NTN1: variants seen among roughly 807,000 people sequenced by gnomAD.
NTN1 encodes netrin-1.
A neutral mutation model predicts 54.2 loss-of-function variants in NTN1; 11 were observed. The observed-to-expected ratio is 0.20, with a 90% CI of 0.13 to 0.34. The LOEUF (loss-of-function observed/expected upper bound fraction) is 0.34, where lower values mean the gene tolerates loss of function less well. Ranked by LOEUF, NTN1 falls within the 10% of genes least tolerant of loss-of-function variation. The pLI, the probability that NTN1 is intolerant of heterozygous loss-of-function variation, is 1.00. For missense variants in NTN1, 740 were observed against 893.1 expected (o/e 0.83, Z 2.18); for synonymous variants, 371 against 382.0 (o/e 0.97, Z 0.33).
At chr17:9,014,647 C>T in the NTN1 span, among the ~76,000 whole-genome samples, 1 of 152,234 alleles carries the variant, frequency 6.6e-6, no homozygotes, top group African/African-American at 2.4e-5. Flanking sequence ...GCTCACCCTC[C>T]TGGAGAGGCC....
intron 6 of NTN1, among the ~76,000 whole-genome samples, chr17:9,227,305 A>G (rs1291579127): frequency 6.8e-6 from 1 of 146,290 alleles, no homozygotes; most frequent in Non-Finnish European, 1.5e-5. Context: ...ATACACAATC[A>G]CAAACACACC....
At chr17:9,166,150 CCACCA>C (rs1187658022) in intron 3 of NTN1, among the ~76,000 whole-genome samples, 1 of 656 alleles carries the variant, frequency 1.5e-3, no homozygotes, top group Non-Finnish European at 2.2e-3. Flanking sequence ...CAACCCCCTT[CCACCA>C]CCACCACCAC....
At position 9,221,691 on chromosome 17, in the gene NTN1, G is replaced by A. The variant is rs200673869; in HGVS notation, c.1486+449G>A. ...TCCAGTGTTCCGCCAGGCTGTAGCGGGGCCGGGAGTCTGCGCTGTAAACGG... is the reference window on the plus strand; with the variant it reads ...TCCAGTGTTCCGCCAGGCTGTAGCGAGGCCGGGAGTCTGCGCTGTAAACGG... On this transcript the variant is annotated intron_variant, in intron 6 of 6. Coordinates refer to ENST00000173229, the MANE Select transcript of NTN1 (RefSeq NM_004822.3). The surrounding 1 kb of genome is among the most constrained non-coding windows in gnomAD (Gnocchi z 4.5). 7.9e-5 allele frequency among the ~76,000 whole-genome samples: 12 copies of A among 152,348 alleles called. No individual in the cohort carries two copies. In the East Asian group the frequency reaches 2.3e-3, roughly 29 times the overall value.
chr17:9,089,302 C>G (rs2092100837), intron 2 of NTN1, among the ~76,000 whole-genome samples: 1 of 151,960 alleles, frequency 6.6e-6, no homozygotes, highest in East Asian at 1.9e-4. Flanking sequence ...GTAGTCCCAG[C>G]TACTCGGGAG....
rs2091856484 is a variant in NTN1 at position 9,022,767 on chromosome 17, G to A, written c.394G>A (p.Val132Ile). Residue 132 changes from valine to isoleucine, a missense_variant, in exon 2 of 7, where the codon GTC becomes ATC. Coordinates refer to ENST00000173229, the MANE Select transcript of NTN1 (RefSeq NM_004822.3). ...SENYLQFPHNVTLTLSLGKKF... is the reference protein window; with the variant it reads ...SENYLQFPHNITLTLSLGKKF... ...GAACTACCTGCAGTTCCCGCACAAC[G>A]TCACGCTCACACTGTCCCTCGGCAA... The A allele has an allele frequency of 6.2e-7, 1 of 1,610,086 alleles. No homozygotes were observed. Among genetic ancestry groups the A allele is most frequent in the Non-Finnish European group, 8.5e-7 (1 of 1,178,878 alleles).
chr17:9,094,173 A>G (rs1362601937), intron 2 of NTN1, among the ~76,000 whole-genome samples: 15 of 152,190 alleles, frequency 9.9e-5, no homozygotes. Flanking sequence ...TTTAAAACTT[A>G]CTGATATCTT....
intron 2 of NTN1, among the ~76,000 whole-genome samples, chr17:9,108,659 C>T (rs1305351615): frequency 6.6e-6 from 1 of 152,128 alleles, no homozygotes; most frequent in East Asian, 1.9e-4. Flanking sequence ...AGAAGGCATC[C>T]TCAGGTCCAT....
chr17:9,011,389 C>T, the NTN1 span, among the ~76,000 whole-genome samples: 2 of 152,166 alleles, frequency 1.3e-5, no homozygotes, highest in Admixed American at 6.5e-5. Context: ...CTCTGTCTCA[C>T]GCAGCTTTAT....
At chr17:9,028,708 CATTAAGTAA>C (rs2091879385) in intron 2 of NTN1, among the ~76,000 whole-genome samples, 1 of 152,188 alleles carries the variant, frequency 6.6e-6, no homozygotes, top group Non-Finnish European at 1.5e-5. Flanking sequence ...TTGTGCTTTT[CATTAAGTAA>C]ATTTTTTGTC....
chr17:9,094,916 G>T (rs2092125249), intron 2 of NTN1, among the ~76,000 whole-genome samples: 1 of 149,996 alleles, frequency 6.7e-6, no homozygotes. Flanking sequence ...TTGAATGCAG[G>T]AGGCAGAGGT....
In NTN1 at chr17:9,083,210, T is replaced by G. The variant is rs192647222; in HGVS notation, c.1018+59819T>G. Among the ~76,000 whole-genome samples, 978 of 152,318 alleles carry G rather than the reference T, an allele frequency of 6.4e-3. 7 individuals carry two copies. Among genetic ancestry groups the G allele is most frequent in the South Asian group, 0.023 (113 of 4,824 alleles). ...GCCTCCCAGGTTTAAGTGATTCTCC[T>G]GCCTCAGCCTCCTGAGTAGCTGGGA... On this transcript the variant is annotated intron_variant, in intron 2 of 6. Transcript: ENST00000173229.
chr17:9,026,908 A>G (rs7406226), intron 2 of NTN1, among the ~76,000 whole-genome samples: 42,382 of 110,298 alleles, frequency 0.38, 6,104 homozygotes, highest in East Asian at 0.53. Context: ...CTGTAACCCA[A>G]AACCCACACA....
intron 2 of NTN1, among the ~76,000 whole-genome samples, chr17:9,072,554 C>T (rs780082515): frequency 5.9e-5 from 9 of 152,202 alleles, no homozygotes; most frequent in African/African-American, 1.9e-4. Context: ...ACCTGGTCTC[C>T]GGAGTAGCTT....
In NTN1 at chr17:9,164,294, G is replaced by A. The variant is rs186149321; in HGVS notation, c.1207+1293G>A. On this transcript the variant is annotated intron_variant, in intron 3 of 6. Transcript: ENST00000173229. ...AGCAAAATTAACTGGGTGTGGTGGC[G>A]GTTGCCTGTAATCCCAGCTACTTGG... 2.9e-3 allele frequency among the ~76,000 whole-genome samples: 436 copies of A among 152,256 alleles called. 1 individual carries two copies. Among genetic ancestry groups the A allele is most frequent in the Non-Finnish European group, 5.1e-3 (349 of 68,014 alleles).
rs895828558 is a variant in NTN1, at chr17:9,221,671, T to C, written c.1486+429T>C. On this transcript the variant is annotated intron_variant, in intron 6 of 6. Transcript: ENST00000173229. This position sits in a 1 kb window ranked among gnomAD's most constrained non-coding sequence, Gnocchi z 4.5. Reference sequence around the variant, plus strand: ...TGGGAGCTCCCCGGTGCATTTCCAGTGTTCCGCCAGGCTGTAGCGGGGCCG... The same window carrying C: ...TGGGAGCTCCCCGGTGCATTTCCAGCGTTCCGCCAGGCTGTAGCGGGGCCG... 2.6e-5 allele frequency among the ~76,000 whole-genome samples: 4 copies of C among 152,204 alleles called. No individual in the cohort carries two copies. The highest frequency in any genetic ancestry group is 5.9e-5 in the Non-Finnish European group (4 of 68,024).
At chr17:9,234,935 G>T (rs1905930345) in intron 6 of NTN1, among the ~76,000 whole-genome samples, 1 of 150,846 alleles carries the variant, frequency 6.6e-6, no homozygotes, top group African/African-American at 2.4e-5. Context: ...TAATTTGTTG[G>T]GTTTTTTTTG....
intron 2 of NTN1, among the ~76,000 whole-genome samples, chr17:9,098,107 G>A (rs965935506): frequency 6.6e-6 from 1 of 152,186 alleles, no homozygotes; most frequent in African/African-American, 2.4e-5. Flanking sequence ...CTGTAGAGTG[G>A]ACGTTTCGCT....
chr17:9,160,811 G>A (rs1443450054), intron 2 of NTN1, among the ~76,000 whole-genome samples: 1 of 151,864 alleles, frequency 6.6e-6, no homozygotes, highest in Non-Finnish European at 1.5e-5. Context: ...CAAAAAATTC[G>A]CTGGGCATGG....
At position 9,221,807 on chromosome 17, in the gene NTN1, C is replaced by T. The variant is rs571485130; in HGVS notation, c.1486+565C>T. Among the ~76,000 whole-genome samples the T allele has an allele frequency of 6.6e-6, 1 of 152,222 alleles. No homozygotes were observed. The highest frequency in any genetic ancestry group is 6.5e-5 in the Admixed American group (1 of 15,304). On this transcript the variant is annotated intron_variant, in intron 6 of 6. Transcript: ENST00000173229. The surrounding 1 kb of genome is among the most constrained non-coding windows in gnomAD (Gnocchi z 4.5). ...GGCCACCTGCAGAGATTGCTTGTCA[C>T]CTGTGACCTCAGGCTCCCTTCCCGG... is the stretch of plus-strand genomic sequence containing the variant.
Sources: gnomAD v4.1 joint callset for allele counts (sites outside exome capture counted in the v4.1 genomes callset) on GRCh38, gnomAD v4.1.1 for gene constraint, Gnocchi (gnomAD v3.1) non-coding constraint, MANE v1.5 for transcripts, NCBI Gene and HGNC (gene_info 2026-07-23, HGNC 2026-07-21) for gene names.